The following LAMB1 variants were observed in gnomAD, a reference collection of about 807,000 sequenced individuals.
The protein encoded by LAMB1 is laminin subunit beta 1.
A neutral mutation model predicts 222.3 loss-of-function variants in LAMB1; 121 were observed. That is an observed-to-expected ratio of 0.54 (90% CI 0.47 to 0.63). LAMB1 has a LOEUF of 0.63. Ranked by LOEUF, LAMB1 falls within the 30% of genes least tolerant of loss-of-function variation. The probability of loss-of-function intolerance (pLI) is 0.00; values close to 1 mark genes in which losing one functional copy is unlikely to be tolerated. For synonymous variants in LAMB1, 794 were observed against 807.2 expected, an observed-to-expected ratio of 0.98 and a Z score of 0.28; for missense variants, 2,172 against 2,240.8, an observed-to-expected ratio of 0.97 and a Z score of 0.62.
chr7:107,940,965 A>G (rs1258167986), intron 24 of LAMB1, among the ~76,000 whole-genome samples: 2 of 152,230 alleles, frequency 1.3e-5, no homozygotes, highest in Non-Finnish European at 2.9e-5. Flanking sequence ...CATGATCAAA[A>G]CAAAACAAAA....
At position 107,959,235 on chromosome 7, in the gene LAMB1, C is replaced by T; in HGVS notation, c.2690+14G>A. 1 of 1,593,718 alleles carries T rather than the reference C, an allele frequency of 6.3e-7. No homozygotes were observed. Among genetic ancestry groups the T allele is most frequent in the Admixed American group, 1.7e-5 (1 of 59,700 alleles). ...GAGATCACTACATTCTCCTTACTTT[C>T]AGCATCTGCATACCTTTCACAGTTA... On this transcript the variant is annotated intron_variant, in intron 20 of 33. Coordinates refer to ENST00000222399, the MANE Select transcript of LAMB1 (RefSeq NM_002291.3).
intron 25 of LAMB1, among the ~76,000 whole-genome samples, chr7:107,938,691 T>C (rs918963635): frequency 1.3e-5 from 2 of 152,212 alleles, no homozygotes; most frequent in Non-Finnish European, 2.9e-5. Context: ...ATTTCCTAAA[T>C]GGGCTTGCAT....
intron 33 of LAMB1, 67 bp from the exon 34 acceptor site, chr7:107,924,154 A>C: frequency 6.5e-7 from 1 of 1,533,392 alleles, no homozygotes. Context: ...GACAAAGTGA[A>C]TATATTTTTC....
At chr7:107,964,781 G>C in intron 13 of LAMB1, 94 bp from the exon 14 acceptor site, 1 of 1,344,430 alleles carries the variant, frequency 7.4e-7, no homozygotes, top group South Asian at 1.3e-5. Context: ...TCAGTACACA[G>C]GACCAAATAC....
chr7:107,995,512 T>C (rs1047133841), intron 4 of LAMB1, among the ~76,000 whole-genome samples: 2 of 152,224 alleles, frequency 1.3e-5, no homozygotes, highest in African/African-American at 4.8e-5. Flanking sequence ...GGGGAAACCT[T>C]TGGATGCATT....
Position 107,929,635 on chromosome 7 carries a change from A to T in LAMB1, c.4538-16T>A, listed in dbSNP as rs2116320798. Reference sequence around the variant, plus strand: ...GCACTATCCTCTGTGAAAAGCAAAGATGTCCCCAAAAAGAGGTGAAAAGAA... The same window carrying T: ...GCACTATCCTCTGTGAAAAGCAAAGTTGTCCCCAAAAAGAGGTGAAAAGAA... On this transcript the variant is annotated splice_polypyrimidine_tract_variant and intron_variant, in intron 29 of 33. Coordinates refer to ENST00000222399, the MANE Select transcript of LAMB1 (RefSeq NM_002291.3). 1 of 1,605,968 alleles carries T rather than the reference A, an allele frequency of 6.2e-7. No homozygotes were observed. Among genetic ancestry groups the T allele is most frequent in the Non-Finnish European group, 8.5e-7 (1 of 1,172,834 alleles).
intron 24 of LAMB1, among the ~76,000 whole-genome samples, chr7:107,943,688 T>G (rs1024899512): frequency 1.1e-4 from 17 of 152,250 alleles, no homozygotes; most frequent in South Asian, 2.1e-4. Context: ...CTATTTTTAT[T>G]TCTATCACGT....
In LAMB1 at chr7:107,931,496, G is replaced by A. The variant is rs889653494; in HGVS notation, c.4397C>T (p.Ser1466Phe). ...AEVEQLSKMV[S>F]EAKLRADEAK... Reference sequence around the variant, plus strand: ...CTCATCTGCCCTCAGTTTTGCTTCAGAGACCTAAATATGAAGAATAAATTA... The same window carrying A: ...CTCATCTGCCCTCAGTTTTGCTTCAAAGACCTAAATATGAAGAATAAATTA... Residue 1466 changes from serine (S) to phenylalanine (F), a missense_variant, in exon 29 of 34, where the codon TCT (serine) becomes TTT (phenylalanine). Ser to Phe is a radical substitution (Grantham distance 155, BLOSUM62 -2). Transcript: ENST00000222399. 16 of 1,612,840 alleles carry A rather than the reference G, an allele frequency of 9.9e-6. No individual in the cohort carries two copies. Among genetic ancestry groups the A allele is most frequent in the African/African-American group, 1.3e-5 (1 of 74,828 alleles).
chr7:107,990,280 TC>T (rs2150449467), intron 5 of LAMB1, among the ~76,000 whole-genome samples: 1 of 152,136 alleles, frequency 6.6e-6, no homozygotes, highest in East Asian at 1.9e-4. Context: ...GCTCAAGCGA[TC>T]CCCCCACCTC....
At chr7:107,940,996 C>A (rs2032968058) in intron 24 of LAMB1, among the ~76,000 whole-genome samples, 1 of 152,216 alleles carries the variant, frequency 6.6e-6, no homozygotes, top group Non-Finnish European at 1.5e-5. Flanking sequence ...TTCTAAGTAT[C>A]CAGTTTAAAG....
At position 107,931,460 on chromosome 7, in the gene LAMB1, C is replaced by T. The variant is rs2032708929; in HGVS notation, c.4433G>A (p.Ser1478Asn). 1 of 1,613,566 alleles carries T rather than the reference C, an allele frequency of 6.2e-7. No individual in the cohort carries two copies. The highest frequency in any genetic ancestry group is 8.5e-7 in the Non-Finnish European group (1 of 1,179,806). ...TGTCTTCAACAGAATGTCTTCAGCACTTTGTTTTGCCTCATCTGCCCTCAG... is the reference window on the plus strand; with the variant it reads ...TGTCTTCAACAGAATGTCTTCAGCATTTTGTTTTGCCTCATCTGCCCTCAG... Reference protein sequence around the residue: ...AKLRADEAKQSAEDILLKTNA... With the variant: ...AKLRADEAKQNAEDILLKTNA... Residue 1478 changes from serine to asparagine, a missense_variant, in exon 29 of 34, where the codon AGT becomes AAT. Coordinates refer to ENST00000222399, the MANE Select transcript of LAMB1 (RefSeq NM_002291.3).
In LAMB1 at chr7:107,954,601, C is replaced by CAT. The variant is rs2033335995; in HGVS notation, c.2855-849_2855-848dup. 5.3e-5 allele frequency among the ~76,000 whole-genome samples: 8 copies of CAT among 152,220 alleles called. No individual in the cohort carries two copies. The South Asian group carries it at 1.7e-3, about 32-fold the overall frequency. On this transcript the variant is annotated intron_variant, in intron 21 of 33. Coordinates refer to ENST00000222399, the MANE Select transcript of LAMB1 (RefSeq NM_002291.3). ...CATCCTGGCTAACATGGTGAAACCC[C>CAT]ATCTCTACCAAAAATACAAAAACAA...
In LAMB1 at chr7:107,962,949, G is replaced by C; in HGVS notation, c.1813C>G (p.Pro605Ala). The C allele has an allele frequency of 1.2e-6, 2 of 1,613,986 alleles. No individual in the cohort carries two copies. The highest frequency in any genetic ancestry group is 1.7e-6 in the Non-Finnish European group (2 of 1,179,968). Residue 605 changes from proline (P) to alanine (A), a missense_variant, in exon 15 of 34, where the codon CCA becomes GCA. Coordinates refer to ENST00000222399, the MANE Select transcript of LAMB1 (RefSeq NM_002291.3). ...AGGATGTCGTACTCCATGGAATATG[G>C]TATGTTGTCAATGAAAAACTCCAAA... is the stretch of plus-strand genomic sequence containing the variant. Reference protein sequence around the residue: ...AYLEFFIDNIPYSMEYDILIR... With the variant: ...AYLEFFIDNIAYSMEYDILIR...
chr7:107,984,191 C>T (rs760165861), intron 7 of LAMB1, among the ~76,000 whole-genome samples: 18 of 152,248 alleles, frequency 1.2e-4, no homozygotes, highest in African/African-American at 4.1e-4. Context: ...AGTATAGCCA[C>T]GTGACTAATT....
chr7:107,975,663 A>G (rs939984355), intron 10 of LAMB1, 26 bp downstream of exon 10: 1 of 1,592,926 alleles, frequency 6.3e-7, no homozygotes, highest in African/African-American at 1.3e-5. Flanking sequence ...TAGGTCCCAC[A>G]CAGTGAGTGA....
intron 15 of LAMB1, among the ~76,000 whole-genome samples, chr7:107,962,123 C>T (rs1329706891): frequency 6.6e-6 from 1 of 152,156 alleles, no homozygotes; most frequent in Non-Finnish European, 1.5e-5. Flanking sequence ...ACTTTTGTGC[C>T]AACTTTCCAC....
intron 9 of LAMB1, among the ~76,000 whole-genome samples, chr7:107,976,759 C>A (rs2237700): frequency 0.091 from 13,804 of 152,190 alleles, 654 homozygotes; most frequent in Admixed American, 0.15. Context: ...AACATCCTTG[C>A]GGCCTTGTGC....
At chr7:107,995,853 A>G (rs2034271695) in intron 4 of LAMB1, among the ~76,000 whole-genome samples, 1 of 152,194 alleles carries the variant, frequency 6.6e-6, no homozygotes, top group East Asian at 1.9e-4. Context: ...GGAATGTGTC[A>G]GAATGAATCA....
Position 107,953,128 on chromosome 7 carries a change from G to A in LAMB1, c.3079+402C>T, listed in dbSNP as rs190676596. 4.6e-3 allele frequency among the ~76,000 whole-genome samples: 700 copies of A among 152,216 alleles called. 8 individuals are homozygous for A. The highest frequency in any genetic ancestry group is 0.015 in the African/African-American group (633 of 41,538). On this transcript the variant is annotated intron_variant, in intron 22 of 33. Transcript: ENST00000222399. ...TCCCAGCACTTTGGAAGGCCGAGGC[G>A]GGTGGATCACCTGAGGTCAGGAGTT...
Sources: allele counts gnomAD v4.1 joint callset (sites outside exome capture counted in the v4.1 genomes callset), GRCh38; gene constraint gnomAD v4.1.1; transcripts MANE v1.5; gene names NCBI Gene and HGNC (gene_info 2026-07-23, HGNC 2026-07-21).